Variants in RYK observed in about 807,000 individuals in gnomAD.
RYK encodes the protein inactive tyrosine-protein kinase RYK.
In RYK, 21 loss-of-function variants were observed where a neutral mutation model predicts 70.2. The ratio of observed to expected loss-of-function variants is 0.30; its 90% CI spans 0.21 to 0.43. The LOEUF (loss-of-function observed/expected upper bound fraction) is 0.43, where lower values mean the gene tolerates loss of function less well. Among genes scored for constraint, RYK ranks in the 20% least tolerant of loss-of-function variants. The probability of loss-of-function intolerance (pLI) is 1.00; values close to 1 mark genes in which losing one functional copy is unlikely to be tolerated. For synonymous variants in RYK, 267 were observed against 278.0 expected (o/e 0.96, Z 0.39); for missense variants, 604 against 753.3 (o/e 0.80, Z 2.32).
intron 6 of RYK, among the ~76,000 whole-genome samples, chr3:134,198,657 G>A (rs2013890572): frequency 6.6e-6 from 1 of 152,138 alleles, no homozygotes; most frequent in Non-Finnish European, 1.5e-5. Flanking sequence ...AATGAACAGA[G>A]AAAACCACGC....
intron 5 of RYK, among the ~76,000 whole-genome samples, chr3:134,203,125 T>A (rs1170718348): frequency 6.6e-6 from 1 of 152,134 alleles, no homozygotes; most frequent in East Asian, 1.9e-4. Context: ...GGCAGGTGGA[T>A]CACCTTGAGG....
intron 1 of RYK, among the ~76,000 whole-genome samples, chr3:134,246,701 T>C (rs148434203): frequency 0.023 from 3,528 of 152,272 alleles, 133 homozygotes; most frequent in African/African-American, 0.08. Context: ...GAGGACAGGA[T>C]AGATACATTC....
intron 6 of RYK, among the ~76,000 whole-genome samples, chr3:134,202,345 C>T (rs551470676): frequency 1.3e-5 from 2 of 152,142 alleles, no homozygotes; most frequent in South Asian, 4.2e-4. Flanking sequence ...AGAGCAGGTG[C>T]TCAATACATG....
rs144545035 is a variant in RYK, at chr3:134,244,408, T to G, written c.232+6015A>C. On this transcript the variant is annotated intron_variant, in intron 1 of 14. Coordinates refer to ENST00000623711, the MANE Select transcript of RYK (RefSeq NM_002958.4). ...GGCTTGCGGTTCTACTCTTTGAGTT[T>G]TTGGTTAATTGCACTCCTCCAGAGC... 6.4e-4 allele frequency among the ~76,000 whole-genome samples: 97 copies of G among 152,258 alleles called. 1 individual carries two copies. The highest frequency in any genetic ancestry group is 1.7e-3 in the African/African-American group (72 of 41,538).
intron 1 of RYK, among the ~76,000 whole-genome samples, chr3:134,232,556 C>T (rs1485814355): frequency 1.3e-5 from 2 of 152,172 alleles, no homozygotes; most frequent in Non-Finnish European, 1.5e-5. Flanking sequence ...CTACCATAGA[C>T]TGAGGTGTTT....
chr3:134,198,612 G>A (rs144180136), intron 6 of RYK, among the ~76,000 whole-genome samples: 233 of 152,302 alleles, frequency 1.5e-3, no homozygotes, highest in African/African-American at 5.2e-3. Context: ...GCCAGAGTGA[G>A]CCCCAGTGAC....
intron 1 of RYK, among the ~76,000 whole-genome samples, chr3:134,246,375 TAA>T (rs35031038): frequency 2.7e-5 from 3 of 109,868 alleles, no homozygotes; most frequent in East Asian, 2.6e-4. Context: ...TGGGAATTAT[TAA>T]AAAAAAAAAA....
intron 1 of RYK, among the ~76,000 whole-genome samples, chr3:134,250,013 A>G (rs2015570564): frequency 6.9e-6 from 1 of 145,390 alleles, no homozygotes; most frequent in African/African-American, 2.6e-5. Context: ...TTGCAAGTTC[A>G]GTCTAAAACG....
chr3:134,226,785 A>T (rs2014922539), intron 1 of RYK, among the ~76,000 whole-genome samples: 1 of 152,214 alleles, frequency 6.6e-6, no homozygotes, highest in South Asian at 2.1e-4. Context: ...AACTGTCAAC[A>T]AACTAGGAAT....
chr3:134,161,085 A>G (rs2108138699), intron 13 of RYK, among the ~76,000 whole-genome samples: 1 of 152,360 alleles, frequency 6.6e-6, no homozygotes, highest in South Asian at 2.1e-4. Flanking sequence ...TATATTAGTA[A>G]CAACTGAACA....
chr3:134,195,122 A>G lies in RYK; in HGVS notation c.849T>C (p.Tyr283=). 6.2e-7 allele frequency: 1 copy of G among 1,613,744 alleles called. No individual in the cohort carries two copies. The highest frequency in any genetic ancestry group is 8.5e-7 in the Non-Finnish European group (1 of 1,179,712). The change falls in exon 7 of 15, where the codon TAT becomes TAC. Residue 283 remains tyrosine, a synonymous_variant. Coordinates refer to ENST00000623711, the MANE Select transcript of RYK (RefSeq NM_002958.4). ...LSQPSTQTTQ[Y]LRADTPNNAT... is the part of the protein sequence containing the mutation. ...CATTGTTGGGCGTGTCTGCTCTCAG[A>G]TACTGAGTCGTCTGGGTGGATGGCT...
At chr3:134,183,302 C>T (rs565628879) in intron 9 of RYK, 1 of 305,004 alleles carries the variant, frequency 3.3e-6, no homozygotes, top group African/African-American at 2.2e-5. Flanking sequence ...ATAAACAAAG[C>T]AGAAAATGCA....
In RYK at chr3:134,222,601, A is replaced by T. The variant is rs1048391341; in HGVS notation, c.233-62T>A. 2.9e-4 allele frequency: 382 copies of T among 1,329,684 alleles called. 4 individuals carry two copies. Among genetic ancestry groups the T allele is most frequent in the Non-Finnish European group, 4.2e-5 (40 of 961,262 alleles). 82.4% of individuals were successfully genotyped at this position (1,329,684 alleles called of 1,614,324 possible). A position where few individuals can be genotyped will look rare whatever the true frequency, so the allele number is the denominator to read the frequency against. ...AAATATTCTCAAAATCATCCCTATCAGTATTTCAAATACAAATAGAGTGAA... is the reference window on the plus strand; with the variant it reads ...AAATATTCTCAAAATCATCCCTATCTGTATTTCAAATACAAATAGAGTGAA... On this transcript the variant is annotated intron_variant, in intron 1 of 14. Transcript: ENST00000623711.
intron 6 of RYK, among the ~76,000 whole-genome samples, chr3:134,197,665 T>C (rs1284709938): frequency 1.3e-5 from 2 of 152,046 alleles, no homozygotes; most frequent in Non-Finnish European, 2.9e-5. Flanking sequence ...ACTTCAATAA[T>C]GGGGAGGGAA....
At chr3:134,194,455 T>C (rs1350269180) in intron 7 of RYK, among the ~76,000 whole-genome samples, 1 of 152,204 alleles carries the variant, frequency 6.6e-6, no homozygotes, top group Non-Finnish European at 1.5e-5. Flanking sequence ...AGGCTTATCT[T>C]GTTCACTTCC....
rs1356992953 is a variant in RYK, at chr3:134,207,491, T to C, written c.624A>G (p.Lys208=). The part of the protein sequence containing the change: ...LEEVKTSALD[K]NTSRTIYDPV... ...ACTTACAAATAGTTCTGCTAGTGTTTTTGTCCAAGGCTGAAGTTTTTACTT... is the reference window on the plus strand; with the variant it reads ...ACTTACAAATAGTTCTGCTAGTGTTCTTGTCCAAGGCTGAAGTTTTTACTT... Residue 208 remains lysine (K), a synonymous_variant, in exon 5 of 15, where the codon AAA becomes AAG. Transcript: ENST00000623711. The C allele has an allele frequency of 6.5e-7, 1 of 1,543,034 alleles. No homozygotes were observed. Among genetic ancestry groups the C allele is most frequent in the East Asian group, 2.4e-5 (1 of 41,436 alleles).
At chr3:134,176,141 C>G (rs1185500598) in intron 11 of RYK, 102 bp from the exon 12 acceptor site, 1 of 715,456 alleles carries the variant, frequency 1.4e-6, no homozygotes, top group Non-Finnish European at 2.4e-6. Context: ...AAAAATACTG[C>G]TTTAAACCTA....
chr3:134,175,297 T>C (rs1346454092), intron 13 of RYK, among the ~76,000 whole-genome samples: 2 of 151,442 alleles, frequency 1.3e-5, no homozygotes. Context: ...GAGCCAGGAT[T>C]GCGCCATTGC....
intron 1 of RYK, among the ~76,000 whole-genome samples, chr3:134,226,557 C>G (rs1158235471): frequency 6.6e-6 from 1 of 152,076 alleles, no homozygotes; most frequent in African/African-American, 2.4e-5. Flanking sequence ...AAGAAAATTA[C>G]AGAACAACAT....
Sources: allele counts gnomAD v4.1 joint callset (sites outside exome capture counted in the v4.1 genomes callset), GRCh38; gene constraint gnomAD v4.1.1; transcripts MANE v1.5; gene names NCBI Gene and HGNC (gene_info 2026-07-23, HGNC 2026-07-21).